The following SAE1 variants were observed in gnomAD, a reference collection of about 807,000 sequenced individuals.
SAE1 encodes SUMO-activating enzyme subunit 1.
In SAE1, 11 loss-of-function variants were observed where a neutral mutation model predicts 40.6. The ratio of observed to expected loss-of-function variants is 0.27; its 90% CI spans 0.17 to 0.45. The LOEUF (loss-of-function observed/expected upper bound fraction) is 0.45. Among genes scored for constraint, SAE1 ranks in the 20% least tolerant of loss-of-function variants. The probability of loss-of-function intolerance (pLI) is 1.00; values close to 1 mark genes in which losing one functional copy is unlikely to be tolerated. For synonymous variants in SAE1, 155 were observed against 154.3 expected, an observed-to-expected ratio of 1.00 and a Z score of -0.03; for missense variants, 373 against 427.3, an observed-to-expected ratio of 0.87 and a Z score of 1.12.
At chr19:47,172,955 T>A (rs1207901994) in intron 6 of SAE1, among the ~76,000 whole-genome samples, 2 of 152,094 alleles carry the variant, frequency 1.3e-5, no homozygotes, top group Admixed American at 6.6e-5. Flanking sequence ...AGTCAGTGGC[T>A]CAAGATCACC....
chr19:47,192,131 A>G (rs1298593845), intron 6 of SAE1, among the ~76,000 whole-genome samples: 5 of 152,078 alleles, frequency 3.3e-5, no homozygotes, highest in Admixed American at 2.0e-4. Flanking sequence ...TATAGTGCCT[A>G]CTATGTGTCA....
At chr19:47,150,496 C>G (rs559262025) in intron 3 of SAE1, 121 bp downstream of exon 3, 2 of 778,960 alleles carry the variant, frequency 2.6e-6, no homozygotes, top group Admixed American at 5.6e-5. Flanking sequence ...AGCTTTTTCC[C>G]AAGAAAATGT....
At chr19:47,139,936 CTTTTTTT>C (rs34575308) in intron 1 of SAE1, among the ~76,000 whole-genome samples, 16 of 111,576 alleles carry the variant, frequency 1.4e-4, no homozygotes, top group Non-Finnish European at 2.5e-4. Flanking sequence ...TTGGGTATTT[CTTTTTTT>C]TTTTTTTTTT....
intron 6 of SAE1, among the ~76,000 whole-genome samples, chr19:47,174,815 C>T (rs868081881): frequency 4.0e-5 from 6 of 151,756 alleles, no homozygotes; most frequent in African/African-American, 7.2e-5. Context: ...CCTCGTGATC[C>T]GCCTGCCTCA....
intron 1 of SAE1, among the ~76,000 whole-genome samples, chr19:47,138,824 CAG>C (rs1044092042): frequency 3.3e-4 from 51 of 152,244 alleles, no homozygotes; most frequent in African/African-American, 1.2e-3. Flanking sequence ...TCAATCAAAA[CAG>C]TGGGCAACAC....
chr19:47,183,180 T>G (rs1030526990), intron 6 of SAE1, among the ~76,000 whole-genome samples: 2 of 152,118 alleles, frequency 1.3e-5, no homozygotes, highest in African/African-American at 4.8e-5. Flanking sequence ...CCTCCCAAAG[T>G]GCTGGGATTA....
rs762932610 is a variant in SAE1 at position 47,167,274 on chromosome 19, A to AT, written c.628-2530dup. Among the ~76,000 whole-genome samples, 572 of 117,322 alleles carry AT rather than the reference A, an allele frequency of 4.9e-3. 3 individuals carry two copies. Among genetic ancestry groups the AT allele is most frequent in the African/African-American group, 0.013 (392 of 30,888 alleles). The allele number at this position is 117,322 out of a possible 152,430, so 77.0% of individuals were successfully genotyped here. A position where few individuals can be genotyped will look rare whatever the true frequency, so the allele number is the denominator to read the frequency against. On this transcript the variant is annotated intron_variant, in intron 5 of 8. Transcript: ENST00000270225. ...CGGCCTGCGCCCAGATAATTTTTGT[A>AT]TTTTTTTTTTTTTTGAGAGTCTCGC...
At chr19:47,200,399 A>ATTTTTTTTTTTT (rs35657499) in intron 7 of SAE1, among the ~76,000 whole-genome samples, 6 of 102,556 alleles carry the variant, frequency 5.9e-5, no homozygotes, top group African/African-American at 8.4e-5. Context: ...AGCCTGCCTA[A>ATTTTTTTTTTTT]TTTTTTTTTT....
Position 47,130,875 on chromosome 19 carries a change from T to C in SAE1, c.-56T>C. The C allele has an allele frequency of 1.3e-6, 2 of 1,544,530 alleles. No homozygotes were observed. Among genetic ancestry groups the C allele is most frequent in the Non-Finnish European group, 8.7e-7 (1 of 1,144,756 alleles). On this transcript the variant is annotated 5_prime_UTR_variant, in exon 1 of 9. Coordinates refer to ENST00000270225, the MANE Select transcript of SAE1 (RefSeq NM_005500.3). ...CCGGCGGCGGTAGGTGGCGCGCGGG[T>C]CCGGCGGGCGGTTGGCTTGAGCGGG...
intron 6 of SAE1, among the ~76,000 whole-genome samples, chr19:47,173,527 G>C (rs1305689491): frequency 6.6e-6 from 1 of 152,130 alleles, no homozygotes; most frequent in African/African-American, 2.4e-5. Flanking sequence ...AAACTGCAGA[G>C]GATAAAATCA....
At chr19:47,169,944 T>A (rs1389278035) in intron 6 of SAE1, 21 bp downstream of exon 6, 1 of 1,569,164 alleles carries the variant, frequency 6.4e-7, no homozygotes, top group African/African-American at 1.3e-5. Flanking sequence ...AAAGCACAAC[T>A]TACCCCGGGA....
rs180775969 is a variant in SAE1, at chr19:47,156,909, G to T, written c.627+1696G>T. Among the ~76,000 whole-genome samples, 306 of 152,280 alleles carry T rather than the reference G, an allele frequency of 2.0e-3. 5 individuals carry two copies. Among genetic ancestry groups the T allele is most frequent in the East Asian group, 7.7e-4 (4 of 5,174 alleles). On this transcript the variant is annotated intron_variant, in intron 5 of 8. Coordinates refer to ENST00000270225, the MANE Select transcript of SAE1 (RefSeq NM_005500.3). ...GGGAACCATGCGATGGGGAAAGCAA[G>T]ATGAAGGGGCCAGAATTGGTTTCAT...
At chr19:47,206,163 G>A (rs541566723) in intron 8 of SAE1, among the ~76,000 whole-genome samples, 1 of 152,204 alleles carries the variant, frequency 6.6e-6, no homozygotes, top group African/African-American at 2.4e-5. Context: ...GACAGCTGGT[G>A]CCCAGCATCT....
chr19:47,163,826 C>G (rs904795073), intron 5 of SAE1, among the ~76,000 whole-genome samples: 1 of 152,176 alleles, frequency 6.6e-6, no homozygotes, highest in Non-Finnish European at 1.5e-5. Context: ...TGCTTTATTG[C>G]CCAGGCTGGA....
intron 6 of SAE1, among the ~76,000 whole-genome samples, chr19:47,181,628 G>A (rs1230891468): frequency 6.6e-6 from 1 of 150,408 alleles, no homozygotes; most frequent in Non-Finnish European, 1.5e-5. Context: ...ACAGGTGCCC[G>A]CCACCACACC....
At chr19:47,145,910 C>T (rs1568587539) in intron 2 of SAE1, among the ~76,000 whole-genome samples, 1 of 150,296 alleles carries the variant, frequency 6.7e-6, no homozygotes, top group Non-Finnish European at 1.5e-5. Context: ...TAGAAAGATG[C>T]TCACGGTTTG....
At chr19:47,151,876 T>C (rs550587753) in intron 3 of SAE1, among the ~76,000 whole-genome samples, 87 of 152,376 alleles carry the variant, frequency 5.7e-4, no homozygotes, top group Middle Eastern at 3.4e-3. Flanking sequence ...TGGGGCCATG[T>C]TGACCGCCTT....
chr19:47,137,391 A>C (rs1304494106), intron 1 of SAE1, among the ~76,000 whole-genome samples: 2 of 152,176 alleles, frequency 1.3e-5, no homozygotes, highest in Non-Finnish European at 2.9e-5. Context: ...TCTGTCTCAA[A>C]AATAAATAAA....
rs949674014 is a variant in SAE1 at position 47,197,214 on chromosome 19, T to G, written c.734-19T>G. ...AAAAAAAGTGGCTTTATAACCTGCC[T>G]TCTTTTTCTTATTCCCAGTGCTCTT... On this transcript the variant is annotated intron_variant, in intron 6 of 8. Transcript: ENST00000270225. 3 of 1,582,196 alleles carry G rather than the reference T, an allele frequency of 1.9e-6. No individual in the cohort carries two copies. Among genetic ancestry groups the G allele is most frequent in the Non-Finnish European group, 2.6e-6 (3 of 1,169,808 alleles).
Sources: gnomAD v4.1 joint callset for allele counts (sites outside exome capture counted in the v4.1 genomes callset) on GRCh38, gnomAD v4.1.1 for gene constraint, MANE v1.5 for transcripts, NCBI Gene and HGNC (gene_info 2026-07-23, HGNC 2026-07-21) for gene names.